Variants in HIVEP3 observed in about 807,000 individuals in gnomAD.
HIVEP3 encodes HIVEP zinc finger 3.
Under a neutral mutation model 152.8 loss-of-function variants are expected in HIVEP3, and 49 were observed. The observed-to-expected ratio is 0.32, with a 90% CI of 0.26 to 0.41. The LOEUF is 0.41. Among genes scored for constraint, HIVEP3 ranks in the 10% least tolerant of loss-of-function variants. The pLI, the probability that HIVEP3 is intolerant of heterozygous loss-of-function variation, is 1.00. For missense variants in HIVEP3, 2,790 were observed against 3,103.3 expected, an observed-to-expected ratio of 0.90 and a Z score of 2.40; for synonymous variants, 1,269 against 1,289.0, an observed-to-expected ratio of 0.98 and a Z score of 0.33.
At chr1:41,744,063 G>A (rs151046070) in intron 1 of HIVEP3, among the ~76,000 whole-genome samples, 5 of 150,938 alleles carry the variant, frequency 3.3e-5, no homozygotes, top group East Asian at 3.9e-4. Context: ...TTTTTGAGAC[G>A]GAGTCTCACT....
chr1:41,829,812 G>A (rs1317848571), intron 1 of HIVEP3, among the ~76,000 whole-genome samples: 7 of 150,486 alleles, frequency 4.7e-5, no homozygotes, highest in Non-Finnish European at 1.0e-4. Flanking sequence ...AAAAAAAAAA[G>A]CTCAAGAATT....
At chr1:41,600,559 G>T (rs1644731994) in intron 3 of HIVEP3, among the ~76,000 whole-genome samples, 1 of 152,172 alleles carries the variant, frequency 6.6e-6, no homozygotes, top group African/African-American at 2.4e-5. Flanking sequence ...CTGTGGGAAT[G>T]GGGGGCTGTT....
chr1:41,738,366 G>A (rs973313288), intron 1 of HIVEP3, among the ~76,000 whole-genome samples: 7 of 152,178 alleles, frequency 4.6e-5, no homozygotes, highest in African/African-American at 1.4e-4. Context: ...GAGCCATGGG[G>A]TAGCGGGGCA....
At chr1:41,574,354 G>T (rs1483690615) in intron 5 of HIVEP3, among the ~76,000 whole-genome samples, 5 of 152,170 alleles carry the variant, frequency 3.3e-5, no homozygotes, top group African/African-American at 1.2e-4. Flanking sequence ...AAGACCTTTG[G>T]TTCAGTGTTT....
chr1:41,672,276 C>T (rs1645889105), intron 2 of HIVEP3, among the ~76,000 whole-genome samples: 1 of 152,238 alleles, frequency 6.6e-6, no homozygotes, highest in South Asian at 2.1e-4. Context: ...TCCCAGACCC[C>T]CACCTGAGCT....
At chr1:41,796,119 T>C (rs1182896546) in intron 1 of HIVEP3, among the ~76,000 whole-genome samples, 1 of 152,252 alleles carries the variant, frequency 6.6e-6, no homozygotes, top group African/African-American at 2.4e-5. Context: ...TCTGTACGTA[T>C]ATTAAAAATA....
intron 1 of HIVEP3, among the ~76,000 whole-genome samples, chr1:41,709,736 T>C (rs1015581357): frequency 6.6e-6 from 1 of 152,172 alleles, no homozygotes; most frequent in African/African-American, 2.4e-5. Flanking sequence ...AATCCAGTTA[T>C]GCTGAGTCAC....
At chr1:41,554,689 T>TTGTTGA (rs1643938620) in intron 5 of HIVEP3, among the ~76,000 whole-genome samples, 1 of 152,224 alleles carries the variant, frequency 6.6e-6, no homozygotes, top group Non-Finnish European at 1.5e-5. Flanking sequence ...GATGTCCTTT[T>TTGTTGA]TGTTGATGTT....
chr1:41,628,742 T>C lies in HIVEP3; in HGVS notation c.-522+7A>G. The C allele has an allele frequency of 8.1e-7, 1 of 1,232,054 alleles. No individual in the cohort carries two copies. The highest frequency in any genetic ancestry group is 1.0e-6 in the Non-Finnish European group (1 of 987,930). 76.3% of individuals were successfully genotyped at this position (1,232,054 alleles called of 1,614,324 possible). ...AAGCATATTCAGCAACAGCCCCCAT[T>C]TCCTACCTGTGCTGAAGGCACCACT... On this transcript the variant is annotated splice_region_variant and intron_variant, in intron 3 of 8. Transcript: ENST00000372583.
At position 41,991,872 on chromosome 1, in the gene HIVEP3, A is replaced by T. The variant is rs1645364031; in HGVS notation, n.119+43935T>A. On this transcript the variant is annotated intron_variant and non_coding_transcript_variant, in intron 1 of 3. Coordinates refer to the HIVEP3 transcript ENST00000489103. ...CGCAAATCAATAAATGTAATCCAGC[A>T]TATAAACAGAGCCAAAGACAAAAAC... is the stretch of plus-strand genomic sequence containing the variant. 8.2e-5 allele frequency among the ~76,000 whole-genome samples: 10 copies of T among 121,540 alleles called. No individual in the cohort carries two copies. In the South Asian group the frequency reaches 9.2e-4, roughly 11 times the overall value. The allele number at this position is 121,540 out of a possible 152,430, so 79.7% of individuals were successfully genotyped here.
intron 2 of HIVEP3, among the ~76,000 whole-genome samples, chr1:41,635,985 GA>G (rs1645267796): frequency 6.6e-6 from 1 of 152,214 alleles, no homozygotes; most frequent in African/African-American, 2.4e-5. Flanking sequence ...AGCAGAGAAA[GA>G]ATGGATTATT....
In HIVEP3 at chr1:41,533,156, G is replaced by A. The variant is rs1260706327; in HGVS notation, c.5208-8246C>T. ...CCTGTGGCTCCTCTGCTCGTTGAAG[G>A]CCAGGACCGAGGCTTGTCCAGCTTT... is the stretch of plus-strand genomic sequence containing the variant. On this transcript the variant is annotated intron_variant, in intron 5 of 8. Transcript: ENST00000372583. This position sits in a 1 kb window ranked among gnomAD's most constrained non-coding sequence, Gnocchi z 4.3. Among the ~76,000 whole-genome samples, 2 of 152,114 alleles carry A rather than the reference G, an allele frequency of 1.3e-5. No individual in the cohort carries two copies. Among genetic ancestry groups the A allele is most frequent in the Non-Finnish European group, 2.9e-5 (2 of 68,024 alleles).
intron 5 of HIVEP3, among the ~76,000 whole-genome samples, chr1:41,560,222 TATG>T (rs1644037467): frequency 6.6e-6 from 1 of 152,216 alleles, no homozygotes; most frequent in African/African-American, 2.4e-5. Flanking sequence ...GACACAGCAC[TATG>T]ATTATTCTCA....
At chr1:41,956,027 C>T (rs557411738) in intron 1 of HIVEP3, among the ~76,000 whole-genome samples, 3 of 152,338 alleles carry the variant, frequency 2.0e-5, no homozygotes, top group South Asian at 2.1e-4. Context: ...TCACTTCCAG[C>T]GGAAGGTGAA....
intron 1 of HIVEP3, among the ~76,000 whole-genome samples, chr1:41,886,712 C>CAAAAAAAAAAAA (rs71062602): frequency 1.1e-5 from 1 of 87,788 alleles, no homozygotes; most frequent in African/African-American, 4.4e-5. Context: ...AACTCCATTT[C>CAAAAAAAAAAAA]AAAAAAAAAA....
chr1:42,033,218 A>G (rs1413656617), intron 1 of HIVEP3, among the ~76,000 whole-genome samples: 2 of 152,142 alleles, frequency 1.3e-5, no homozygotes, highest in African/African-American at 4.8e-5. Context: ...GACCCCTGAA[A>G]AGTGATGCCT....
rs1296467187 is a variant in HIVEP3, at chr1:41,513,207, G to T, written c.6014C>A (p.Ala2005Asp). 1.2e-6 allele frequency: 2 copies of T among 1,613,846 alleles called. No individual in the cohort carries two copies. Among genetic ancestry groups the T allele is most frequent in the Non-Finnish European group, 1.7e-6 (2 of 1,179,966 alleles). Reference protein sequence around the residue: ...QRCSPAREPQASAPSPPGLHV... With the variant: ...QRCSPAREPQDSAPSPPGLHV... ...CAGGCCAGGTGGGCTTGGGGCTGAGGCCTGTGGTTCTCGGGCCGGGGAGCA... is the reference window on the plus strand; with the variant it reads ...CAGGCCAGGTGGGCTTGGGGCTGAGTCCTGTGGTTCTCGGGCCGGGGAGCA... Residue 2005 changes from alanine (A) to aspartate (D), a missense_variant, in exon 8 of 9, where the codon GCC (alanine) becomes GAC (aspartate). By Grantham distance (126) the Ala-to-Asp change is moderately radical. This residue lies in a region of HIVEP3 where 816 missense variants were observed against 806.5 expected (regional missense o/e 1.01). Coordinates refer to ENST00000372583, the MANE Select transcript of HIVEP3 (RefSeq NM_024503.5).
chr1:41,726,090 A>T (rs1010708526), intron 1 of HIVEP3, among the ~76,000 whole-genome samples: 4 of 152,222 alleles, frequency 2.6e-5, no homozygotes, highest in African/African-American at 9.6e-5. Flanking sequence ...CATACAATTC[A>T]TTATGCTTGA....
intron 4 of HIVEP3, among the ~76,000 whole-genome samples, chr1:41,577,144 C>T (rs980549784): frequency 6.6e-6 from 1 of 152,132 alleles, no homozygotes; most frequent in African/African-American, 2.4e-5. Flanking sequence ...TACCACTTTC[C>T]CAGGAAACAC....
Sources: gnomAD v4.1 joint callset for allele counts (sites outside exome capture counted in the v4.1 genomes callset) on GRCh38, gnomAD v4.1.1 for gene constraint, gnomAD v4.1.1 regional missense constraint, Gnocchi (gnomAD v3.1) non-coding constraint, MANE v1.5 for transcripts, NCBI Gene and HGNC (gene_info 2026-07-23, HGNC 2026-07-21) for gene names.